The following API5 variants were observed in gnomAD, a reference collection of about 807,000 sequenced individuals.
API5 encodes the protein FIF.
API5 carries 6 observed loss-of-function variants against 71.9 expected under a neutral mutation model. The ratio of observed to expected loss-of-function variants is 0.08; its 90% CI spans 0.05 to 0.16. API5 has a LOEUF of 0.16. Among genes scored for constraint, API5 ranks in the 10% least tolerant of loss-of-function variants. API5 has a pLI of 1.00. For missense variants in API5, 332 were observed against 612.8 expected, an observed-to-expected ratio of 0.54 and a Z score of 4.84; for synonymous variants, 189 against 221.3, an observed-to-expected ratio of 0.85 and a Z score of 1.30.
At chr11:43,318,494 T>C in intron 1 of API5, 146 bp from the exon 2 acceptor site, 1 of 1,539,790 alleles carries the variant, frequency 6.5e-7, no homozygotes, top group Non-Finnish European at 8.7e-7. Flanking sequence ...TAAGTGTCAG[T>C]TTGAGCAGTA....
intron 11 of API5, 79 bp from the exon 12 acceptor site, chr11:43,335,199 T>C (rs1285263096): frequency 1.8e-5 from 17 of 963,096 alleles, no homozygotes; most frequent in Non-Finnish European, 2.5e-5. Flanking sequence ...TTAAGATCTG[T>C]CTTCGTTTCC....
intron 2 of API5, 191 bp downstream of exon 2, chr11:43,318,992 T>C (rs1016874280): frequency 3.8e-5 from 19 of 495,434 alleles, no homozygotes; most frequent in Middle Eastern, 5.2e-4. Context: ...CTTTAAATTA[T>C]GAAAAATGCA....
At chr11:43,334,566 C>G (rs750543015) in intron 11 of API5, among the ~76,000 whole-genome samples, 6 of 151,938 alleles carry the variant, frequency 3.9e-5, no homozygotes, top group Non-Finnish European at 7.4e-5. Context: ...TACAAAAAAT[C>G]AAGGTAAAGC....
chr11:43,323,336 T>C, intron 5 of API5, 94 bp from the exon 6 acceptor site: 1 of 1,149,356 alleles, frequency 8.7e-7, no homozygotes, highest in Non-Finnish European at 1.3e-6. Context: ...AAACTGACTT[T>C]AGTAACTGAA....
chr11:43,319,383 G>A (rs986747132), intron 2 of API5, among the ~76,000 whole-genome samples: 2 of 152,120 alleles, frequency 1.3e-5, no homozygotes, highest in Non-Finnish European at 2.9e-5. Flanking sequence ...ATGAAACAGC[G>A]AATTGCCAAC....
chr11:43,321,200 G>A (rs536598791), intron 3 of API5, among the ~76,000 whole-genome samples: 95 of 152,062 alleles, frequency 6.2e-4, no homozygotes, highest in Non-Finnish European at 1.0e-3. Flanking sequence ...TTTCATAATT[G>A]TAGCATCTTA....
At chr11:43,312,557 G>A (rs796141016) in intron 1 of API5, among the ~76,000 whole-genome samples, 1 of 152,116 alleles carries the variant, frequency 6.6e-6, no homozygotes, top group Non-Finnish European at 1.5e-5. Context: ...TCCAAGATTA[G>A]ATCGGGAGTT....
At chr11:43,338,914 C>CT (rs1855523909) in intron 13 of API5, among the ~76,000 whole-genome samples, 1 of 152,034 alleles carries the variant, frequency 6.6e-6, no homozygotes, top group Non-Finnish European at 1.5e-5. Context: ...GGCTCTAAGT[C>CT]TAAACAGTCA....
At chr11:43,316,249 A>G (rs1319839369) in intron 1 of API5, among the ~76,000 whole-genome samples, 1 of 152,250 alleles carries the variant, frequency 6.6e-6, no homozygotes, top group Non-Finnish European at 1.5e-5. Flanking sequence ...TAAGAATAGT[A>G]GTAACACCTA....
At chr11:43,336,044 T>G in intron 13 of API5, 50 bp downstream of exon 13, 1 of 1,592,500 alleles carries the variant, frequency 6.3e-7, no homozygotes. Flanking sequence ...AGGCAGAAAT[T>G]GTGTTATACT....
chr11:43,322,700 T>C (rs533872024), intron 5 of API5, among the ~76,000 whole-genome samples: 33 of 152,188 alleles, frequency 2.2e-4, no homozygotes, highest in Non-Finnish European at 4.3e-4. Flanking sequence ...TTACAGAAGA[T>C]TCAGCATTTT....
At position 43,323,615 on chromosome 11, in the gene API5, G is replaced by A; in HGVS notation, c.729G>A (p.Arg243=). The A allele has an allele frequency of 1.2e-6, 2 of 1,613,936 alleles. No individual in the cohort carries two copies. The highest frequency in any genetic ancestry group is 1.7e-6 in the Non-Finnish European group (2 of 1,179,884). Residue 243 remains arginine, a synonymous_variant, in exon 6 of 14, where the codon CGG becomes CGA. Transcript: ENST00000531273. ...DCVDRLLQCT[R]QAVPLFSKNV... is the part of the protein sequence containing the mutation. Reference sequence around the variant, plus strand: ...TGGACAGGCTCTTACAGTGCACTCGGCAGGCAGTACCCCTCTTCTCTGTGA... The same window carrying A: ...TGGACAGGCTCTTACAGTGCACTCGACAGGCAGTACCCCTCTTCTCTGTGA...
At chr11:43,340,713 TG>T (rs1268376519) in intron 13 of API5, among the ~76,000 whole-genome samples, 1 of 150,320 alleles carries the variant, frequency 6.7e-6, no homozygotes, top group Admixed American at 6.6e-5. Flanking sequence ...CTTCAATAAA[TG>T]GTGCTGAGAA....
Position 43,312,113 on chromosome 11 carries a change from G to C in API5, c.-15G>C. 6.2e-7 allele frequency: 1 copy of C among 1,613,428 alleles called. No individual in the cohort carries two copies. The highest frequency in any genetic ancestry group is 8.5e-7 in the Non-Finnish European group (1 of 1,179,876). ...ACAAGGATAGCGGAACCGGGCCCTG[G>C]GCTTGTCGCTCACCATGCCGACAGT... On this transcript the variant is annotated 5_prime_UTR_variant, in exon 1 of 14. Transcript: ENST00000531273.
chr11:43,324,976 G>A (rs1244727089), intron 6 of API5, among the ~76,000 whole-genome samples: 2 of 152,040 alleles, frequency 1.3e-5, no homozygotes, highest in Admixed American at 1.3e-4. Flanking sequence ...ACCATGCCTG[G>A]CCATGCCCCA....
At chr11:43,312,564 A>G (rs575148960) in intron 1 of API5, among the ~76,000 whole-genome samples, 12 of 151,928 alleles carry the variant, frequency 7.9e-5, no homozygotes, top group Non-Finnish European at 1.5e-4. Flanking sequence ...TTAGATCGGG[A>G]GTTTTCTTCA....
At chr11:43,333,383 A>G (rs1855322190) in intron 11 of API5, among the ~76,000 whole-genome samples, 1 of 152,182 alleles carries the variant, frequency 6.6e-6, no homozygotes, top group South Asian at 2.1e-4. Context: ...GGGGAGCAGA[A>G]TTACACCAAA....
intron 1 of API5, among the ~76,000 whole-genome samples, chr11:43,312,497 C>T (rs957537024): frequency 1.3e-5 from 2 of 152,032 alleles, no homozygotes; most frequent in Admixed American, 6.6e-5. Context: ...CGGAGCTTTT[C>T]TCTACAGGAT....
intron 11 of API5, chr11:43,331,980 C>T (rs1404548515): frequency 1.3e-5 from 2 of 152,138 alleles, no homozygotes; most frequent in East Asian, 3.8e-4. Flanking sequence ...ACCGCTGATA[C>T]AAGTCTATGT....
Sources: allele counts gnomAD v4.1 joint callset (sites outside exome capture counted in the v4.1 genomes callset), GRCh38; gene constraint gnomAD v4.1.1; transcripts MANE v1.5; gene names NCBI Gene and HGNC (gene_info 2026-07-23, HGNC 2026-07-21).